MMS22L: variants seen among roughly 807,000 people sequenced by gnomAD.
MMS22L encodes the protein protein MMS22-like.
MMS22L carries 74 observed loss-of-function variants against 159.1 expected under a neutral mutation model. The ratio of observed to expected loss-of-function variants is 0.47; its 90% confidence interval spans 0.39 to 0.56. MMS22L has a LOEUF of 0.56. Ranked by LOEUF, MMS22L falls within the 20% of genes least tolerant of loss-of-function variation. MMS22L has a pLI of 0.00. For synonymous variants in MMS22L, 517 were observed against 506.9 expected, an observed-to-expected ratio of 1.02 and a Z score of -0.27; for missense variants, 1,351 against 1,422.1, an observed-to-expected ratio of 0.95 and a Z score of 0.80.
In MMS22L at chr6:97,149,932, T is replaced by C; in HGVS notation, c.3571A>G (p.Ile1191Val). ...TGAGTAAGGGTAGAAATCAAGTGGA[T>C]GACAACCTGCTGGTCCAATGTTGCT... ...TVATLDQQVV[I>V]HLISTLTQSL... is the part of the protein sequence containing the mutation. The change falls in exon 24 of 25, where the codon ATC becomes GTC. Residue 1191 changes from isoleucine (I) to valine (V), a missense_variant. Physicochemically the swap from Ile to Val is conservative, Grantham distance 29 (BLOSUM62 3). Coordinates refer to ENST00000683635, the MANE Select transcript of MMS22L (RefSeq NM_001350599.2). 6.2e-7 allele frequency: 1 copy of C among 1,613,722 alleles called. No homozygotes were observed. The highest frequency in any genetic ancestry group is 8.5e-7 in the Non-Finnish European group (1 of 1,179,760).
intron 18 of MMS22L, 139 bp from the exon 19 acceptor site, chr6:97,173,361 T>C: frequency 1.5e-6 from 1 of 657,504 alleles, no homozygotes; most frequent in South Asian, 2.2e-5. Flanking sequence ...AACCTTCCAA[T>C]AAAGAGACAT....
intron 8 of MMS22L, chr6:97,266,269 CA>C (rs920160087): frequency 1.1e-4 from 16 of 152,204 alleles, no homozygotes; most frequent in Admixed American, 9.8e-4. Flanking sequence ...AAATTCCTCA[CA>C]AAATTAAATA....
chr6:97,281,246 T>A lies in MMS22L; in HGVS notation c.281A>T (p.His94Leu). Residue 94 changes from histidine (H) to leucine (L), a missense_variant, in exon 3 of 25, where the codon CAT (histidine) becomes CTT (leucine). Transcript: ENST00000683635. The stretch of plus-strand genomic sequence containing the variant: ...TATAACGAAGAAATACCTGAATAAA[T>A]GAAAGAGTTCTCTAGATGAATTCAC... ...ALVNSSRELF[H>L]LFRQQLYNLE... The A allele has an allele frequency of 1.2e-6, 2 of 1,603,342 alleles. No individual in the cohort carries two copies. The highest frequency in any genetic ancestry group is 1.7e-6 in the Non-Finnish European group (2 of 1,177,502).
chr6:97,236,767 C>T (rs762652326), intron 11 of MMS22L, among the ~76,000 whole-genome samples: 7 of 151,940 alleles, frequency 4.6e-5, no homozygotes, highest in African/African-American at 1.4e-4. Flanking sequence ...CTGGCTAACA[C>T]GGTGAAACCC....
At chr6:97,217,999 A>G (rs1809211997) in intron 14 of MMS22L, among the ~76,000 whole-genome samples, 1 of 152,286 alleles carries the variant, frequency 6.6e-6, no homozygotes, top group East Asian at 1.9e-4. Context: ...GCCTTGAGAG[A>G]CTGGTTCCGA....
chr6:97,168,603 A>C (rs1415051458), intron 19 of MMS22L, among the ~76,000 whole-genome samples: 4 of 152,076 alleles, frequency 2.6e-5, no homozygotes, highest in Non-Finnish European at 4.4e-5. Context: ...TTCAAATTTC[A>C]CACTGTTGGA....
At chr6:97,263,500 A>C in intron 8 of MMS22L, 52 bp from the exon 9 acceptor site, 1 of 861,462 alleles carries the variant, frequency 1.2e-6, no homozygotes, top group Non-Finnish European at 1.8e-6. Flanking sequence ...CAGAATTTTA[A>C]ATGCCATATA....
Position 97,162,161 on chromosome 6 carries a change from A to T in MMS22L, c.3226T>A (p.Ser1076Thr), listed in dbSNP as rs752444897. ...KKCIVQVIRK[S>T]YLEYKGSSPP... ...GAGGACCCCTTATACTCAAGGTAGG[A>T]TTTCCTGAAAAGAAGCAAAATTTGT... The change falls in exon 22 of 25, where the codon TCC becomes ACC. Residue 1076 changes from serine (S) to threonine (T), a missense_variant. Coordinates refer to ENST00000683635, the MANE Select transcript of MMS22L (RefSeq NM_001350599.2). The T allele has an allele frequency of 6.3e-6, 10 of 1,588,272 alleles. No individual in the cohort carries two copies. Among genetic ancestry groups the T allele is most frequent in the Non-Finnish European group, 6.0e-6 (7 of 1,172,630 alleles).
At chr6:97,196,687 G>C (rs1729875787) in intron 14 of MMS22L, among the ~76,000 whole-genome samples, 1 of 151,834 alleles carries the variant, frequency 6.6e-6, no homozygotes. Flanking sequence ...ATTAAGGATT[G>C]CCTAATATAT....
intron 24 of MMS22L, among the ~76,000 whole-genome samples, chr6:97,147,877 T>C (rs1271563913): frequency 2.0e-5 from 3 of 152,212 alleles, no homozygotes; most frequent in Non-Finnish European, 2.9e-5. Context: ...GCTAAAGCTA[T>C]AATCAACATA....
intron 4 of MMS22L, among the ~76,000 whole-genome samples, chr6:97,275,623 G>C (rs1411115431): frequency 6.6e-6 from 1 of 152,062 alleles, no homozygotes; most frequent in Non-Finnish European, 1.5e-5. Flanking sequence ...AGAAACAGAA[G>C]ACATTTTAAA....
chr6:97,157,856 C>T (rs755575794), intron 22 of MMS22L, among the ~76,000 whole-genome samples: 2 of 152,090 alleles, frequency 1.3e-5, no homozygotes. Context: ...GGAGGATTCC[C>T]TCTTTTTCTA....
intron 14 of MMS22L, among the ~76,000 whole-genome samples, chr6:97,216,798 T>G (rs1361347718): frequency 1.3e-5 from 2 of 152,196 alleles, no homozygotes; most frequent in Non-Finnish European, 2.9e-5. Flanking sequence ...CACAGTGACA[T>G]AAATAAGATT....
chr6:97,256,789 A>C (rs2128062201), intron 9 of MMS22L, among the ~76,000 whole-genome samples: 1 of 152,200 alleles, frequency 6.6e-6, no homozygotes, highest in African/African-American at 2.4e-5. Context: ...TGTCTCTACA[A>C]AAAATAAATT....
chr6:97,256,621 G>A (rs1445058495), intron 9 of MMS22L, among the ~76,000 whole-genome samples: 2 of 152,180 alleles, frequency 1.3e-5, no homozygotes, highest in Non-Finnish European at 2.9e-5. Context: ...CTCCATTGTT[G>A]TTGAAAAGTC....
At chr6:97,157,699 T>C (rs532069197) in intron 22 of MMS22L, among the ~76,000 whole-genome samples, 1 of 152,316 alleles carries the variant, frequency 6.6e-6, no homozygotes, top group South Asian at 2.1e-4. Context: ...AGCTTTTTGA[T>C]GTGCTGCTGG....
Position 97,255,460 on chromosome 6 carries a change from T to C in MMS22L, c.943-727A>G, listed in dbSNP as rs940973215. Among the ~76,000 whole-genome samples, 85 of 152,106 alleles carry C rather than the reference T, an allele frequency of 5.6e-4. 3 individuals are homozygous for C. ...ACCAACTTTTGCTCATTTTATCCTTTTCATTGTTTTAAATTCATAATTTTT... is the reference window on the plus strand; with the variant it reads ...ACCAACTTTTGCTCATTTTATCCTTCTCATTGTTTTAAATTCATAATTTTT... On this transcript the variant is annotated intron_variant, in intron 9 of 24. Coordinates refer to ENST00000683635, the MANE Select transcript of MMS22L (RefSeq NM_001350599.2).
Position 97,228,880 on chromosome 6 carries a change from A to C in MMS22L, c.2039+14T>G, listed in dbSNP as rs1395951930. 3 of 1,593,158 alleles carry C rather than the reference A, an allele frequency of 1.9e-6. No homozygotes were observed. Among genetic ancestry groups the C allele is most frequent in the Admixed American group, 1.8e-5 (1 of 55,406 alleles). Reference sequence around the variant, plus strand: ...AAAACAAATCATAAATTAGCATACAACTGAAAACCATACCTGATTCTGGCC... The same window carrying C: ...AAAACAAATCATAAATTAGCATACACCTGAAAACCATACCTGATTCTGGCC... On this transcript the variant is annotated intron_variant, in intron 14 of 24. Transcript: ENST00000683635.
At chr6:97,162,271 T>A in intron 21 of MMS22L, 106 bp from the exon 22 acceptor site, 1 of 816,174 alleles carries the variant, frequency 1.2e-6, no homozygotes, top group Non-Finnish European at 1.9e-6. Flanking sequence ...CCCAAATTAA[T>A]ACAGTGCCAC....
Sources: allele counts gnomAD v4.1 joint callset (sites outside exome capture counted in the v4.1 genomes callset), GRCh38; gene constraint gnomAD v4.1.1; transcripts MANE v1.5; gene names NCBI Gene and HGNC (gene_info 2026-07-23, HGNC 2026-07-21).